The following HTD2 variants were observed in gnomAD, a reference collection of about 807,000 sequenced individuals.
The protein encoded by HTD2 is hydroxyacyl-thioester dehydratase type 2, mitochondrial.
A neutral mutation model predicts 3.1 loss-of-function variants in HTD2; 1 was observed. The observed-to-expected ratio is 0.32, with a 90% CI of 0.11 to 1.52. The LOEUF is 1.52. Ranked by LOEUF, HTD2 falls within the 40% of genes most tolerant of loss-of-function variation. The pLI is 0.39. For missense variants in HTD2, 150 were observed against 79.6 expected, an observed-to-expected ratio of 1.88 and a Z score of -3.36; for synonymous variants, 50 against 28.9, an observed-to-expected ratio of 1.73 and a Z score of -2.34.
intron 2 of HTD2, among the ~76,000 whole-genome samples, 197 bp from the exon 3 acceptor site, chr3:58,316,318 T>TG (rs2097488239): frequency 2.0e-5 from 3 of 152,222 alleles, no homozygotes; most frequent in Admixed American, 2.0e-4. Flanking sequence ...ATGAGAGACA[T>TG]CAGCCATATG....
chr3:58,310,306 T>C, intron 1 of HTD2: 1 of 1,607,178 alleles, frequency 6.2e-7, no homozygotes, highest in Non-Finnish European at 8.5e-7. Context: ...TGACTTACTG[T>C]AGGTGTGATC....
chr3:58,314,546 C>G (rs1327536619), intron 2 of HTD2, among the ~76,000 whole-genome samples: 1 of 151,894 alleles, frequency 6.6e-6, no homozygotes, highest in Non-Finnish European at 1.5e-5. Context: ...CCACTGTGTA[C>G]CTAGCAGAAT....
At chr3:58,313,381 G>C (rs1297527106) in intron 2 of HTD2, among the ~76,000 whole-genome samples, 3 of 152,216 alleles carry the variant, frequency 2.0e-5, no homozygotes, top group African/African-American at 7.2e-5. Context: ...AAGCAACTTT[G>C]AGAACAGAAG....
chr3:58,316,870 TTC>T, intron 3 of HTD2, 43 bp from the exon 4 acceptor site: 3 of 1,484,702 alleles, frequency 2.0e-6, no homozygotes, highest in Non-Finnish European at 2.8e-6. Context: ...GTTCATTTTG[TTC>T]TCTGTCTATG....
chr3:58,317,989 G>C lies in HTD2; in HGVS notation c.376G>C (p.Ala126Pro), dbSNP rs1000969611. Residue 126 changes from alanine to proline, a missense_variant, in exon 5 of 5, where the codon GCT becomes CCT. Physicochemically the swap from Ala to Pro is conservative, Grantham distance 27. Transcript: ENST00000461393. ...APLYIGEVVL[A>P]SAEVKKLKRF... ...TTTATATATTGGAGAAGTTGTTTTA[G>C]CTTCTGCAGAAGTGAAAAAGCTGAA... 8.5e-6 allele frequency: 6 copies of C among 702,806 alleles called. No homozygotes were observed. Among genetic ancestry groups the C allele is most frequent in the Non-Finnish European group, 1.6e-5 (6 of 385,004 alleles). The allele number at this position is 702,806 out of a possible 1,614,324, so 43.5% of individuals were successfully genotyped here.
chr3:58,313,145 G>A (rs1003599477), intron 2 of HTD2, among the ~76,000 whole-genome samples: 4 of 151,600 alleles, frequency 2.6e-5, no homozygotes, highest in African/African-American at 9.7e-5. Context: ...TGTAGTCCCA[G>A]CTACTCGGGA....
At chr3:58,309,858 C>T (rs1424591470) in intron 1 of HTD2, among the ~76,000 whole-genome samples, 1 of 152,024 alleles carries the variant, frequency 6.6e-6, no homozygotes, top group African/African-American at 2.4e-5. Context: ...TGCCACTGCA[C>T]TCCAGCCTGG....
At chr3:58,312,362 T>G (rs945016485) in intron 2 of HTD2, among the ~76,000 whole-genome samples, 1 of 99,836 alleles carries the variant, frequency 1.0e-5, no homozygotes, top group Non-Finnish European at 1.8e-5. Flanking sequence ...CGGATTCAAG[T>G]GATTCTCCTG....
At chr3:58,310,302 A>G (rs1246578853) in intron 1 of HTD2, 1 of 1,603,338 alleles carries the variant, frequency 6.2e-7, no homozygotes, top group Non-Finnish European at 8.5e-7. Context: ...CTCTTGACTT[A>G]CTGTAGGTGT....
chr3:58,317,512 T>C lies in HTD2; in HGVS notation c.-102T>C. On this transcript the variant is annotated 5_prime_UTR_variant, in exon 5 of 5. Transcript: ENST00000461393. Reference sequence around the variant, plus strand: ...ATTGGATTGAATGAATAGTCTTCCATTTTGGAAACGTTCATCCACTCTCAT... The same window carrying C: ...ATTGGATTGAATGAATAGTCTTCCACTTTGGAAACGTTCATCCACTCTCAT... 6.5e-7 allele frequency: 1 copy of C among 1,541,352 alleles called. No individual in the cohort carries two copies. The highest frequency in any genetic ancestry group is 8.9e-7 in the Non-Finnish European group (1 of 1,118,178).
At chr3:58,311,428 A>T (rs2097482132) in intron 2 of HTD2, among the ~76,000 whole-genome samples, 1 of 152,172 alleles carries the variant, frequency 6.6e-6, no homozygotes, top group Non-Finnish European at 1.5e-5. Flanking sequence ...GTGCTGGATT[A>T]CAGGCACGAG....
At chr3:58,311,583 CT>C (rs963557050) in intron 2 of HTD2, among the ~76,000 whole-genome samples, 1 of 151,528 alleles carries the variant, frequency 6.6e-6, no homozygotes, top group Admixed American at 6.6e-5. Flanking sequence ...GAATTTCATT[CT>C]TTTTTATGGC....
chr3:58,315,890 G>A (rs2097487769), intron 2 of HTD2: 1 of 152,244 alleles, frequency 6.6e-6, no homozygotes, highest in South Asian at 2.1e-4. Flanking sequence ...TGATCAGGCT[G>A]GTCTCAAACT....
chr3:58,313,830 C>T (rs902102054), intron 2 of HTD2, among the ~76,000 whole-genome samples: 2 of 152,194 alleles, frequency 1.3e-5, no homozygotes, highest in Admixed American at 1.3e-4. Flanking sequence ...AGATGAATTA[C>T]ACACTGGGGG....
rs2097481125 is a variant in HTD2 at position 58,310,568 on chromosome 3, G to A, written c.-354G>A. The A allele has an allele frequency of 1.2e-6, 2 of 1,612,944 alleles. No individual in the cohort carries two copies. Among genetic ancestry groups the A allele is most frequent in the East Asian group, 2.2e-5 (1 of 44,866 alleles). On this transcript the variant is annotated 5_prime_UTR_variant, in exon 2 of 5. Coordinates refer to ENST00000461393, the MANE Select transcript of HTD2 (RefSeq NM_001348712.2). ...ACAGTTCAAACAGCTGCTTATTTCG[G>A]CTGTGAAGGACCTGTTTGGGGAGGT...
At position 58,319,017 on chromosome 3, in the gene HTD2, T is replaced by C. The variant is rs959490285; in HGVS notation, c.*897T>C. ...CAAAAAAAAAAAAAAGATTCTACTT[T>C]TAGAAATTCAGACCTAGATAGATTT... On this transcript the variant is annotated 3_prime_UTR_variant, in exon 5 of 5. Transcript: ENST00000461393. 5 of 152,112 alleles carry C rather than the reference T, an allele frequency of 3.3e-5. No homozygotes were observed. The highest frequency in any genetic ancestry group is 1.9e-4 in the East Asian group (1 of 5,204). The allele number at this position is 152,112 out of a possible 1,614,324, so 9.4% of individuals were successfully genotyped here.
intron 2 of HTD2, among the ~76,000 whole-genome samples, 156 bp downstream of exon 2, chr3:58,310,747 T>G (rs1486648424): frequency 6.6e-6 from 1 of 152,032 alleles, no homozygotes; most frequent in African/African-American, 2.4e-5. Flanking sequence ...CTGGCCAACA[T>G]GGTGAAACCC....
Position 58,318,514 on chromosome 3 carries a change from A to G in HTD2, c.*394A>G, listed in dbSNP as rs1249395704. On this transcript the variant is annotated 3_prime_UTR_variant, in exon 5 of 5. Coordinates refer to ENST00000461393, the MANE Select transcript of HTD2 (RefSeq NM_001348712.2). ...CTCTACCAAAAAAAAAAAAAAAAAA[A>G]AAGTGCAACTAGCTGTGCTTGGTGA... 1 of 151,890 alleles carries G rather than the reference A, an allele frequency of 6.6e-6. No homozygotes were observed. The highest frequency in any genetic ancestry group is 2.5e-5 in the African/African-American group (1 of 40,122). 9.4% of individuals were successfully genotyped at this position (151,890 alleles called of 1,614,324 possible).
chr3:58,316,656 C>G (rs777373441), intron 3 of HTD2, 65 bp downstream of exon 3: 28 of 1,390,488 alleles, frequency 2.0e-5, no homozygotes, highest in South Asian at 3.5e-5. Flanking sequence ...CAAAAATGCT[C>G]TCTTCTGAGA....
Sources: gnomAD v4.1 joint callset for allele counts (sites outside exome capture counted in the v4.1 genomes callset) on GRCh38, gnomAD v4.1.1 for gene constraint, MANE v1.5 for transcripts, NCBI Gene and HGNC (gene_info 2026-07-23, HGNC 2026-07-21) for gene names.